The following IDH3A variants were observed in gnomAD, a reference collection of about 807,000 sequenced individuals.
IDH3A encodes isocitrate dehydrogenase (NAD(+)) 3 catalytic subunit alpha.
In IDH3A, 23 loss-of-function variants were observed where a neutral mutation model predicts 43.3. The observed-to-expected ratio is 0.53, with a 90% CI of 0.38 to 0.75. The LOEUF (loss-of-function observed/expected upper bound fraction) is 0.75, where lower values mean the gene tolerates loss of function less well. Among genes scored for constraint, IDH3A ranks in the 30% least tolerant of loss-of-function variants. The pLI is 0.00. For missense variants in IDH3A, 329 were observed against 474.4 expected (o/e 0.69, Z 2.85); for synonymous variants, 154 against 163.5 (o/e 0.94, Z 0.44).
intron 2 of IDH3A, 170 bp downstream of exon 2, chr15:78,155,445 T>A: frequency 2.0e-6 from 1 of 498,034 alleles, no homozygotes; most frequent in East Asian, 3.2e-5. Flanking sequence ...ATCTGTTAGG[T>A]TACTTGCGCA....
At position 78,161,502 on chromosome 15, in the gene IDH3A, G is replaced by A; in HGVS notation, c.290-79G>A. 9.0e-7 allele frequency: 1 copy of A among 1,106,394 alleles called. No homozygotes were observed. Among genetic ancestry groups the A allele is most frequent in the South Asian group, 1.4e-5 (1 of 72,750 alleles). The allele number at this position is 1,106,394 out of a possible 1,614,324, so 68.5% of individuals were successfully genotyped here. A position where few individuals can be genotyped will look rare whatever the true frequency, so the allele number is the denominator to read the frequency against. ...CTAGAGGCAGAACACATTTCACAAGGTAGCCGAGGTGGGTTAGTAGGTCAC... is the reference window on the plus strand; with the variant it reads ...CTAGAGGCAGAACACATTTCACAAGATAGCCGAGGTGGGTTAGTAGGTCAC... On this transcript the variant is annotated intron_variant, in intron 4 of 10. Coordinates refer to ENST00000299518, the MANE Select transcript of IDH3A (RefSeq NM_005530.3). The surrounding 1 kb of genome is among the most constrained non-coding windows in gnomAD (Gnocchi z 4.8).
At chr15:78,159,961 C>T in intron 3 of IDH3A, 131 bp from the exon 4 acceptor site, 1 of 636,026 alleles carries the variant, frequency 1.6e-6, no homozygotes, top group East Asian at 2.8e-5. Flanking sequence ...TGCCGCTGCA[C>T]TCTAGCCTAG....
At chr15:78,157,048 G>C in intron 2 of IDH3A, 1 of 1,211,528 alleles carries the variant, frequency 8.3e-7, no homozygotes, top group Non-Finnish European at 1.0e-6. Flanking sequence ...TAATATTTTG[G>C]AAATGTGTCT....
chr15:78,164,897 T>G (rs2074722312), intron 8 of IDH3A, 95 bp from the exon 9 acceptor site: 2 of 930,340 alleles, frequency 2.1e-6, no homozygotes, highest in South Asian at 1.3e-5. Flanking sequence ...GCTACTTCCT[T>G]TTAGTGGAGA....
In IDH3A at chr15:78,161,482, G is replaced by A; in HGVS notation, c.290-99G>A. 1 of 873,076 alleles carries A rather than the reference G, an allele frequency of 1.1e-6. No homozygotes were observed. The allele number at this position is 873,076 out of a possible 1,614,324, so 54.1% of individuals were successfully genotyped here. A position where few individuals can be genotyped will look rare whatever the true frequency, so the allele number is the denominator to read the frequency against. ...AATCTCAGGTAGAGAGTGAACTAGA[G>A]GCAGAACACATTTCACAAGGTAGCC... On this transcript the variant is annotated intron_variant, in intron 4 of 10. Coordinates refer to ENST00000299518, the MANE Select transcript of IDH3A (RefSeq NM_005530.3). The surrounding 1 kb of genome is among the most constrained non-coding windows in gnomAD (Gnocchi z 4.8).
At chr15:78,152,187 T>G (rs982191545) in intron 1 of IDH3A, among the ~76,000 whole-genome samples, 5 of 150,400 alleles carry the variant, frequency 3.3e-5, no homozygotes, top group Admixed American at 6.7e-5. Flanking sequence ...GCCTCCCAAG[T>G]AGCTGGGATT....
chr15:78,160,314 G>A (rs762564453), intron 4 of IDH3A, 108 bp downstream of exon 4: 14 of 633,608 alleles, frequency 2.2e-5, no homozygotes, highest in Non-Finnish European at 4.0e-5. Flanking sequence ...ATCTGTGAAG[G>A]TAACGCCATT....
In IDH3A at chr15:78,166,878, C is replaced by T. The variant is rs189328581; in HGVS notation, c.1017+576C>T. Among the ~76,000 whole-genome samples the T allele has an allele frequency of 9.3e-5, 14 of 150,968 alleles. No individual in the cohort carries two copies. The East Asian group carries it at 9.7e-4, about 10-fold the overall frequency. On this transcript the variant is annotated intron_variant, in intron 10 of 10. Coordinates refer to ENST00000299518, the MANE Select transcript of IDH3A (RefSeq NM_005530.3). ...AACTCCTGAGCTCAAGTGATCCTCC[C>T]GCCCCAGCCTCCCAAAGTGCTGGGA...
At chr15:78,160,248 T>C in intron 4 of IDH3A, 42 bp downstream of exon 4, 1 of 1,156,866 alleles carries the variant, frequency 8.6e-7, no homozygotes, top group Non-Finnish European at 1.3e-6. Context: ...AGATTTCCGC[T>C]ACAGGGGTTA....
chr15:78,160,711 C>A (rs918882622), intron 4 of IDH3A, among the ~76,000 whole-genome samples: 2 of 152,170 alleles, frequency 1.3e-5, no homozygotes, highest in Non-Finnish European at 2.9e-5. Context: ...CCAGGCTGAT[C>A]TGGAATACCT....
intron 8 of IDH3A, 31 bp from the exon 9 acceptor site, chr15:78,164,961 A>C: frequency 3.8e-6 from 6 of 1,573,892 alleles, no homozygotes; most frequent in Non-Finnish European, 5.2e-6. Context: ...TATTTTTAAA[A>C]ACATTCTTTG....
At chr15:78,160,314 G>T (rs762564453) in intron 4 of IDH3A, 108 bp downstream of exon 4, 10 of 633,608 alleles carry the variant, frequency 1.6e-5, no homozygotes, top group African/African-American at 3.7e-5. Flanking sequence ...ATCTGTGAAG[G>T]TAACGCCATT....
chr15:78,162,103 G>T, intron 5 of IDH3A, 131 bp from the exon 6 acceptor site: 1 of 858,864 alleles, frequency 1.2e-6, no homozygotes, highest in Non-Finnish European at 1.9e-6. Flanking sequence ...TCGTAGCAGT[G>T]TGTGTGATTA....
Position 78,161,478 on chromosome 15 carries a change from TAGAGGCAGAA to T in IDH3A, c.290-102_290-93del. Reference sequence around the variant, plus strand: ...TTTGAATCTCAGGTAGAGAGTGAACTAGAGGCAGAACACATTTCACAAGGTAGCCGAGGTG... The same window carrying T: ...TTTGAATCTCAGGTAGAGAGTGAACTCACATTTCACAAGGTAGCCGAGGTG... On this transcript the variant is annotated intron_variant, in intron 4 of 10. Coordinates refer to ENST00000299518, the MANE Select transcript of IDH3A (RefSeq NM_005530.3). This position sits in a 1 kb window ranked among gnomAD's most constrained non-coding sequence, Gnocchi z 4.8. 2 of 834,582 alleles carry T rather than the reference TAGAGGCAGAA, an allele frequency of 2.4e-6. No homozygotes were observed. Among genetic ancestry groups the T allele is most frequent in the Non-Finnish European group, 3.9e-6 (2 of 518,670 alleles). 51.7% of individuals were successfully genotyped at this position (834,582 alleles called of 1,614,324 possible). A position where few individuals can be genotyped will look rare whatever the true frequency, so the allele number is the denominator to read the frequency against.
chr15:78,155,480 G>A, intron 2 of IDH3A: 1 of 423,524 alleles, frequency 2.4e-6, no homozygotes, highest in Non-Finnish European at 4.2e-6. Flanking sequence ...CTTACAGCTG[G>A]CTATGTAAGT....
At chr15:78,166,907 C>T (rs1011797681) in intron 10 of IDH3A, among the ~76,000 whole-genome samples, 19 of 152,312 alleles carry the variant, frequency 1.2e-4, no homozygotes, top group Middle Eastern at 3.4e-3. Flanking sequence ...GCTGGGATTA[C>T]AGGCATGAGC....
intron 1 of IDH3A, among the ~76,000 whole-genome samples, chr15:78,153,254 A>T (rs76183407): frequency 0.057 from 8,748 of 152,264 alleles, 880 homozygotes; most frequent in African/African-American, 0.2. Context: ...ATTGGTGTGC[A>T]CCACCATACC....
rs1177903348 is a variant in IDH3A, at chr15:78,161,736, A to G, written c.445A>G (p.Thr149Ala). 1.2e-6 allele frequency: 2 copies of G among 1,614,214 alleles called. No homozygotes were observed. The highest frequency in any genetic ancestry group is 2.7e-5 in the African/African-American group (2 of 75,060). Reference sequence around the variant, plus strand: ...AAATATTGTGACCATTCGAGAGAACACAGAAGGAGAATACAGTGGAATTGA... The same window carrying G: ...AAATATTGTGACCATTCGAGAGAACGCAGAAGGAGAATACAGTGGAATTGA... ...DVNIVTIREN[T>A]EGEYSGIEHV... is the part of the protein sequence containing the mutation. The change falls in exon 5 of 11, where the codon ACA becomes GCA. Residue 149 changes from threonine to alanine, a missense_variant. Physicochemically the swap from Thr to Ala is moderately conservative, Grantham distance 58. Transcript: ENST00000299518. This position sits in a 1 kb window ranked among gnomAD's most constrained non-coding sequence, Gnocchi z 4.8.
At chr15:78,157,053 G>T in intron 2 of IDH3A, 1 of 1,207,428 alleles carries the variant, frequency 8.3e-7, no homozygotes, top group South Asian at 1.5e-5. Context: ...TTTTGGAAAT[G>T]TGTCTGAAAA....
Sources: allele counts gnomAD v4.1 joint callset (sites outside exome capture counted in the v4.1 genomes callset), GRCh38; gene constraint gnomAD v4.1.1; non-coding constraint Gnocchi (gnomAD v3.1); transcripts MANE v1.5; gene names NCBI Gene and HGNC (gene_info 2026-07-23, HGNC 2026-07-21).